The following GALNTL6 variants were observed in gnomAD, a reference collection of about 807,000 sequenced individuals.
GALNTL6 encodes the protein polypeptide N-acetylgalactosaminyltransferase like 6, also known as polypeptide N-acetylgalactosaminyltransferase-like 6.
Under a neutral mutation model 73.7 loss-of-function variants are expected in GALNTL6, and 46 were observed. The ratio of observed to expected loss-of-function variants is 0.62; its 90% CI spans 0.49 to 0.80. GALNTL6 has a LOEUF of 0.80. Among genes scored for constraint, GALNTL6 ranks in the 30% least tolerant of loss-of-function variants. The pLI, the probability that GALNTL6 is intolerant of heterozygous loss-of-function variation, is 0.00. For synonymous variants in GALNTL6, 259 were observed against 263.7 expected, an observed-to-expected ratio of 0.98 and a Z score of 0.17; for missense variants, 604 against 755.0, an observed-to-expected ratio of 0.80 and a Z score of 2.34.
At chr4:172,376,417 C>G (rs1217098250) in intron 5 of GALNTL6, among the ~76,000 whole-genome samples, 1 of 152,124 alleles carries the variant, frequency 6.6e-6, no homozygotes, top group Non-Finnish European at 1.5e-5. Flanking sequence ...CACCCCGGAG[C>G]TGAATGGCTT....
At chr4:173,035,874 T>C (rs571236527) in intron 12 of GALNTL6, among the ~76,000 whole-genome samples, 3 of 152,316 alleles carry the variant, frequency 2.0e-5, no homozygotes, top group Non-Finnish European at 4.4e-5. Flanking sequence ...TCAGACCAGA[T>C]GGTTGGTACA....
chr4:173,004,565 G>T (rs965379587), intron 10 of GALNTL6, among the ~76,000 whole-genome samples: 1 of 152,180 alleles, frequency 6.6e-6, no homozygotes, highest in Non-Finnish European at 1.5e-5. Flanking sequence ...GGTGGAGATT[G>T]CAGTGAGCCG....
intron 8 of GALNTL6, among the ~76,000 whole-genome samples, chr4:172,891,230 G>A (rs1280577891): frequency 6.6e-6 from 1 of 151,768 alleles, no homozygotes; most frequent in Non-Finnish European, 1.5e-5. Flanking sequence ...TTGTTTCATG[G>A]TCTCAATTGT....
At chr4:172,700,913 AAC>A (rs1395953783) in intron 5 of GALNTL6, among the ~76,000 whole-genome samples, 1 of 152,156 alleles carries the variant, frequency 6.6e-6, no homozygotes, top group Non-Finnish European at 1.5e-5. Flanking sequence ...CCGAAAATGC[AAC>A]AGTCTGTTAA....
At chr4:172,759,921 C>G (rs1737978329) in intron 5 of GALNTL6, among the ~76,000 whole-genome samples, 1 of 142,930 alleles carries the variant, frequency 7.0e-6, no homozygotes. Context: ...ACTGCAAGCT[C>G]TGCTTCCCGG....
intron 3 of GALNTL6, among the ~76,000 whole-genome samples, chr4:172,287,087 G>A (rs1453303073): frequency 1.3e-5 from 2 of 152,124 alleles, no homozygotes; most frequent in African/African-American, 2.4e-5. Context: ...CTTGCAGGGT[G>A]GAAATCCTTT....
chr4:172,875,316 G>A (rs544275269), intron 7 of GALNTL6, among the ~76,000 whole-genome samples: 2 of 152,242 alleles, frequency 1.3e-5, no homozygotes, highest in South Asian at 2.1e-4. Context: ...ATCTAAGGCC[G>A]CTTAGAAATT....
At chr4:172,651,272 G>A (rs1307239301) in intron 5 of GALNTL6, among the ~76,000 whole-genome samples, 2 of 152,156 alleles carry the variant, frequency 1.3e-5, no homozygotes, top group Non-Finnish European at 2.9e-5. Context: ...AATTATACTT[G>A]TAATGAGTTC....
intron 5 of GALNTL6, among the ~76,000 whole-genome samples, chr4:172,633,879 C>T (rs1739524345): frequency 6.6e-6 from 1 of 152,212 alleles, no homozygotes; most frequent in African/African-American, 2.4e-5. Context: ...GGGAGTTCCC[C>T]TGCATAAGCT....
At chr4:172,855,804 G>A (rs922764288) in intron 7 of GALNTL6, among the ~76,000 whole-genome samples, 1 of 152,176 alleles carries the variant, frequency 6.6e-6, no homozygotes, top group Non-Finnish European at 1.5e-5. Flanking sequence ...TTGCACCCTG[G>A]AGCTTGAGTG....
chr4:172,890,102 T>C (rs1330071033), intron 8 of GALNTL6, among the ~76,000 whole-genome samples: 1 of 152,098 alleles, frequency 6.6e-6, no homozygotes, highest in Non-Finnish European at 1.5e-5. Context: ...TGTAATGCCT[T>C]CTTTGTCATT....
chr4:171,999,503 G>A (rs1646433569), intron 2 of GALNTL6, among the ~76,000 whole-genome samples: 1 of 152,040 alleles, frequency 6.6e-6, no homozygotes, highest in Non-Finnish European at 1.5e-5. Context: ...AAGAAAATAA[G>A]TTGGTTTAAT....
intron 3 of GALNTL6, among the ~76,000 whole-genome samples, chr4:172,284,101 C>G (rs1419218141): frequency 6.6e-6 from 1 of 152,064 alleles, no homozygotes; most frequent in Non-Finnish European, 1.5e-5. Context: ...CACCTATCCT[C>G]CAGGATTCTT....
At chr4:171,839,763 G>A (rs981743422) in intron 2 of GALNTL6, among the ~76,000 whole-genome samples, 1 of 151,894 alleles carries the variant, frequency 6.6e-6, no homozygotes, top group African/African-American at 2.4e-5. Flanking sequence ...TTCACAAGCA[G>A]AAAGGTGAAA....
At chr4:172,209,798 A>T (rs1478379592) in intron 2 of GALNTL6, among the ~76,000 whole-genome samples, 1 of 152,074 alleles carries the variant, frequency 6.6e-6, no homozygotes, top group African/African-American at 2.4e-5. Context: ...CCTTCCACAA[A>T]TTCATTTTGC....
At chr4:172,967,835 G>A (rs1386598453) in intron 10 of GALNTL6, among the ~76,000 whole-genome samples, 2 of 152,112 alleles carry the variant, frequency 1.3e-5, no homozygotes, top group African/African-American at 2.4e-5. Flanking sequence ...AAGCATCCCT[G>A]GGGGTTTGGA....
chr4:171,824,080 TATATA>T (rs1734760368), intron 2 of GALNTL6, among the ~76,000 whole-genome samples: 1 of 17,196 alleles, frequency 5.8e-5, no homozygotes, highest in Non-Finnish European at 3.8e-4. Context: ...ATCCATTTTA[TATATA>T]TATATATATA....
rs558728650 is a variant in GALNTL6, at chr4:172,867,045, T to C, written c.924-15745T>C. Among the ~76,000 whole-genome samples the C allele has an allele frequency of 2.0e-5, 3 of 152,322 alleles. No homozygotes were observed. The South Asian group carries it at 6.2e-4, about 32-fold the overall frequency. On this transcript the variant is annotated intron_variant, in intron 7 of 12. Transcript: ENST00000506823. Reference sequence around the variant, plus strand: ...GGAAATATGTAGAAGCGGTCCCTCATTCAGTCTTTAAAAGTCTGAGAAAGC... The same window carrying C: ...GGAAATATGTAGAAGCGGTCCCTCACTCAGTCTTTAAAAGTCTGAGAAAGC...
At chr4:172,330,432 G>T (rs1038374167) in intron 4 of GALNTL6, among the ~76,000 whole-genome samples, 5 of 152,184 alleles carry the variant, frequency 3.3e-5, no homozygotes, top group Admixed American at 2.0e-4. Flanking sequence ...TCCTGAGTGG[G>T]CATTCATCTT....
Sources: gnomAD v4.1 joint callset for allele counts (sites outside exome capture counted in the v4.1 genomes callset) on GRCh38, gnomAD v4.1.1 for gene constraint, MANE v1.5 for transcripts, NCBI Gene and HGNC (gene_info 2026-07-23, HGNC 2026-07-21) for gene names.